MEMO1: variants seen among roughly 807,000 people sequenced by gnomAD.
MEMO1 encodes the protein protein MEMO1.
A neutral mutation model predicts 45.2 loss-of-function variants in MEMO1; 6 were observed. The observed-to-expected ratio is 0.13, with a 90% CI of 0.07 to 0.26. The LOEUF is 0.26. Among genes scored for constraint, MEMO1 ranks in the 10% least tolerant of loss-of-function variants. MEMO1 has a pLI of 1.00. For missense variants in MEMO1, 184 were observed against 370.5 expected (o/e 0.50, Z 4.13); for synonymous variants, 78 against 124.3 (o/e 0.63, Z 2.48).
In MEMO1 at chr2:31,933,351, T is replaced by TTA. The variant is rs370773425; in HGVS notation, c.144-1218_144-1217dup. Reference sequence around the variant, plus strand: ...AAAAAAAAAAAAAAAAAAAAAAAATTTATATATATATATATATATATATAT... The same window carrying TTA: ...AAAAAAAAAAAAAAAAAAAAAAAATTTATATATATATATATATATATATATAT... On this transcript the variant is annotated intron_variant, in intron 3 of 9. Transcript: ENST00000404530. Among the ~76,000 whole-genome samples the TTA allele has an allele frequency of 5.5e-3, 248 of 45,088 alleles. 6 individuals carry two copies. Among genetic ancestry groups the TTA allele is most frequent in the East Asian group, 0.015 (15 of 1,004 alleles). 29.6% of individuals were successfully genotyped at this position (45,088 alleles called of 152,430 possible). A position where few individuals can be genotyped will look rare whatever the true frequency, so the allele number is the denominator to read the frequency against.
At position 31,924,654 on chromosome 2, in the gene MEMO1, T is replaced by C. The variant is rs1284208820; in HGVS notation, c.213-3744A>G. 3.3e-5 allele frequency among the ~76,000 whole-genome samples: 5 copies of C among 152,152 alleles called. No individual in the cohort carries two copies. The East Asian group carries it at 9.6e-4, about 29-fold the overall frequency. ...GCTACTTAGTCCAAATAATGGAACATAAGTAATTTTGTAAACGTGTTTCAC... is the reference window on the plus strand; with the variant it reads ...GCTACTTAGTCCAAATAATGGAACACAAGTAATTTTGTAAACGTGTTTCAC... On this transcript the variant is annotated intron_variant, in intron 4 of 9. Coordinates refer to ENST00000404530, the MANE Select transcript of MEMO1 (RefSeq NM_001301833.4).
intron 2 of MEMO1, among the ~76,000 whole-genome samples, chr2:32,000,362 C>T (rs377267129): frequency 2.0e-5 from 3 of 152,088 alleles, no homozygotes; most frequent in Non-Finnish European, 4.4e-5. Flanking sequence ...TCCCAAGTAG[C>T]TGGGACTACA....
At chr2:31,974,184 G>T (rs1048383027) in intron 2 of MEMO1, among the ~76,000 whole-genome samples, 2 of 151,982 alleles carry the variant, frequency 1.3e-5, no homozygotes, top group East Asian at 1.9e-4. Flanking sequence ...AAAAATAGGG[G>T]CACTTCCTTT....
intron 2 of MEMO1, among the ~76,000 whole-genome samples, chr2:31,975,421 G>C (rs902074816): frequency 1.3e-5 from 2 of 152,026 alleles, no homozygotes; most frequent in Non-Finnish European, 2.9e-5. Context: ...TAAACATTTT[G>C]GGACTTTTGG....
intron 8 of MEMO1, 97 bp from the exon 9 acceptor site, chr2:31,870,049 A>G: frequency 1.0e-6 from 1 of 953,772 alleles, no homozygotes; most frequent in Non-Finnish European, 1.4e-6. Context: ...CTTAAACATA[A>G]TTCTTCAATT....
At chr2:31,947,118 G>A (rs768949414) in intron 2 of MEMO1, among the ~76,000 whole-genome samples, 8 of 152,088 alleles carry the variant, frequency 5.3e-5, no homozygotes, top group Middle Eastern at 3.2e-3. Flanking sequence ...TAAGTAACAC[G>A]ACTGTATAAC....
intron 4 of MEMO1, among the ~76,000 whole-genome samples, chr2:31,925,326 A>C (rs952934618): frequency 2.0e-5 from 3 of 151,952 alleles, no homozygotes; most frequent in African/African-American, 4.8e-5. Context: ...AATACAAAAA[A>C]TTAGCCAGGC....
chr2:31,888,083 AT>A lies in MEMO1; in HGVS notation c.580+3908del, dbSNP rs538416058. On this transcript the variant is annotated intron_variant, in intron 7 of 9. Coordinates refer to ENST00000404530, the MANE Select transcript of MEMO1 (RefSeq NM_001301833.4). ...CAGTAAACTTCTCATATTTAAAAAAATATATGTCATAAATATTCACCAAGTA... is the reference window on the plus strand; with the variant it reads ...CAGTAAACTTCTCATATTTAAAAAAAATATGTCATAAATATTCACCAAGTA... Among the ~76,000 whole-genome samples, 221 of 152,280 alleles carry A rather than the reference AT, an allele frequency of 1.5e-3. 1 individual carries two copies. Among genetic ancestry groups the A allele is most frequent in the African/African-American group, 4.8e-3 (200 of 41,584 alleles).
intron 2 of MEMO1, among the ~76,000 whole-genome samples, chr2:31,972,735 A>C (rs1169005641): frequency 2.0e-5 from 3 of 152,182 alleles, no homozygotes; most frequent in Non-Finnish European, 4.4e-5. Flanking sequence ...GACAACCTAC[A>C]GAATGGGAGG....
In MEMO1 at chr2:31,869,892, G is replaced by T. The variant is rs1370393245; in HGVS notation, c.718C>A (p.His240Asn). The change falls in exon 9 of 10, where the codon CAT (histidine) becomes AAT (asparagine). Residue 240 changes from histidine to asparagine, a missense_variant. His to Asn is a moderately conservative substitution (Grantham distance 68). Transcript: ENST00000404530. ...GGATGTCTTCCACATATAGTATTAT[G>T]GTATTTCTTCAAGTAATTGCTAAAA... ...VSFSNYLKKY[H>N]NTICGRHPIG... is the part of the protein sequence containing the mutation. 6.3e-7 allele frequency: 1 copy of T among 1,585,288 alleles called. No homozygotes were observed. The highest frequency in any genetic ancestry group is 2.3e-5 in the East Asian group (1 of 43,392).
At chr2:31,949,088 G>A in intron 2 of MEMO1, among the ~76,000 whole-genome samples, 1 of 152,120 alleles carries the variant, frequency 6.6e-6, no homozygotes, top group Admixed American at 6.6e-5. Flanking sequence ...AAAATGGCTT[G>A]TACCCAAAAG....
At chr2:31,897,216 T>C (rs2148018339) in intron 6 of MEMO1, among the ~76,000 whole-genome samples, 1 of 152,068 alleles carries the variant, frequency 6.6e-6, no homozygotes, top group South Asian at 2.1e-4. Flanking sequence ...AGTTTATTTC[T>C]TTCTCTTGCC....
At chr2:31,912,390 GTA>G (rs1368894992) in intron 6 of MEMO1, among the ~76,000 whole-genome samples, 1 of 151,802 alleles carries the variant, frequency 6.6e-6, no homozygotes, top group Non-Finnish European at 1.5e-5. Flanking sequence ...GCACTTGCCT[GTA>G]ATCCCAGCCA....
intron 3 of MEMO1, among the ~76,000 whole-genome samples, chr2:31,933,348 A>ATATATAT (rs869203385): frequency 3.1e-4 from 5 of 16,176 alleles, no homozygotes; most frequent in Admixed American, 1.2e-3. Context: ...AAAAAAAAAA[A>ATATATAT]ATTTATATAT....
intron 2 of MEMO1, chr2:31,963,163 A>G: frequency 6.5e-7 from 1 of 1,537,214 alleles, no homozygotes; most frequent in Non-Finnish European, 8.8e-7. Context: ...ACTCAAAGTG[A>G]AACCGCACCG....
At chr2:31,958,970 T>C (rs962173768) in intron 2 of MEMO1, among the ~76,000 whole-genome samples, 4 of 152,170 alleles carry the variant, frequency 2.6e-5, no homozygotes, top group Non-Finnish European at 5.9e-5. Context: ...TAAACAAAGT[T>C]AGACTAGAAC....
chr2:31,910,416 T>C (rs1279502207), intron 6 of MEMO1, among the ~76,000 whole-genome samples: 1 of 152,210 alleles, frequency 6.6e-6, no homozygotes, highest in Admixed American at 6.5e-5. Flanking sequence ...ACAAATAATT[T>C]GTTCAAATTA....
intron 2 of MEMO1, among the ~76,000 whole-genome samples, chr2:31,971,375 C>A (rs750613773): frequency 6.6e-6 from 1 of 151,774 alleles, no homozygotes; most frequent in Non-Finnish European, 1.5e-5. Flanking sequence ...AGCCTCCCAA[C>A]GAGCTAGGAC....
At position 31,969,580 on chromosome 2, in the gene MEMO1, T is replaced by TGTGTGG. The variant is rs879352740; in HGVS notation, c.62-26203_62-26198dup. Among the ~76,000 whole-genome samples the TGTGTGG allele has an allele frequency of 6.0e-5, 7 of 116,696 alleles. No homozygotes were observed. In the Admixed American group the frequency reaches 6.2e-4, roughly 10 times the overall value. 76.6% of individuals were successfully genotyped at this position (116,696 alleles called of 152,430 possible). On this transcript the variant is annotated intron_variant, in intron 2 of 9. Transcript: ENST00000404530. ...TTTCTAAATCTTTTCTGGGGGTGTG[T>TGTGTGG]GTGTGGGTGTGTGTGTGTGTGTGTG... is the stretch of plus-strand genomic sequence containing the variant.
Sources: gnomAD v4.1 joint callset for allele counts (sites outside exome capture counted in the v4.1 genomes callset) on GRCh38, gnomAD v4.1.1 for gene constraint, MANE v1.5 for transcripts, NCBI Gene and HGNC (gene_info 2026-07-23, HGNC 2026-07-21) for gene names.